GREB1: variants seen among roughly 807,000 people sequenced by gnomAD.
The protein encoded by GREB1 is growth regulating estrogen receptor binding 1.
In GREB1, 106 loss-of-function variants were observed where a neutral mutation model predicts 200.7. The ratio of observed to expected loss-of-function variants is 0.53; its 90% CI spans 0.45 to 0.62. The LOEUF (loss-of-function observed/expected upper bound fraction) is 0.62, where lower values mean the gene tolerates loss of function less well. Among genes scored for constraint, GREB1 ranks in the 20% least tolerant of loss-of-function variants. The pLI is 0.00. For synonymous variants in GREB1, 1,132 were observed against 1,092.4 expected, an observed-to-expected ratio of 1.04 and a Z score of -0.72; for missense variants, 2,243 against 2,556.8, an observed-to-expected ratio of 0.88 and a Z score of 2.65.
intron 3 of GREB1, 166 bp downstream of exon 3, chr2:11,562,748 T>G: frequency 2.9e-6 from 2 of 689,260 alleles, no homozygotes; most frequent in Non-Finnish European, 4.5e-6. Context: ...CAGCAGGTGC[T>G]GGCCCGGCCT....
chr2:11,605,911 A>T (rs1245955498), intron 17 of GREB1, among the ~76,000 whole-genome samples: 1 of 152,258 alleles, frequency 6.6e-6, no homozygotes, highest in African/African-American at 2.4e-5. Flanking sequence ...TGCTATGAAC[A>T]TTCATGTACA....
chr2:11,637,512 G>A (rs1475818093), intron 30 of GREB1, among the ~76,000 whole-genome samples: 2 of 152,170 alleles, frequency 1.3e-5, no homozygotes, highest in Admixed American at 6.5e-5. Flanking sequence ...AGGGTGGTTC[G>A]TTTTGACGTG....
intron 8 of GREB1, among the ~76,000 whole-genome samples, chr2:11,585,550 C>G (rs529195745): frequency 6.6e-6 from 1 of 152,256 alleles, no homozygotes; most frequent in Admixed American, 6.5e-5. Flanking sequence ...GCAGGGATAT[C>G]GAAGAGGAGA....
chr2:11,551,953 T>C (rs975186202), intron 1 of GREB1, among the ~76,000 whole-genome samples: 3 of 152,248 alleles, frequency 2.0e-5, no homozygotes, highest in Admixed American at 2.0e-4. Flanking sequence ...GAAATTCTTT[T>C]CCTGTGAATG....
At chr2:11,615,841 G>A (rs1327681240) in intron 20 of GREB1, among the ~76,000 whole-genome samples, 1 of 152,220 alleles carries the variant, frequency 6.6e-6, no homozygotes, top group Non-Finnish European at 1.5e-5. Context: ...TGAGAAAGAC[G>A]TAGACAGTCA....
At chr2:11,559,646 G>T (rs992971956) in intron 2 of GREB1, among the ~76,000 whole-genome samples, 8 of 152,164 alleles carry the variant, frequency 5.3e-5, no homozygotes, top group Non-Finnish European at 8.8e-5. Context: ...AGCCTCTGTG[G>T]TGCTGGCTTA....
intron 10 of GREB1, 126 bp downstream of exon 10, chr2:11,589,057 G>T (rs1410815008): frequency 2.8e-6 from 2 of 715,886 alleles, no homozygotes; most frequent in Non-Finnish European, 4.8e-6. Flanking sequence ...AGAGCTTATG[G>T]CTTCACTGGC....
intron 1 of GREB1, among the ~76,000 whole-genome samples, chr2:11,497,171 T>C (rs1430904160): frequency 6.6e-6 from 1 of 152,226 alleles, no homozygotes; most frequent in Non-Finnish European, 1.5e-5. Context: ...TCTATCTCTA[T>C]AATTTTGTCA....
chr2:11,494,084 G>A (rs986313066), intron 1 of GREB1, among the ~76,000 whole-genome samples: 3 of 152,214 alleles, frequency 2.0e-5, no homozygotes, highest in Non-Finnish European at 4.4e-5. Flanking sequence ...ATGAGGAAAC[G>A]GAGGTGCAGG....
chr2:11,527,415 A>G (rs1158825104), intron 1 of GREB1, among the ~76,000 whole-genome samples: 2 of 152,240 alleles, frequency 1.3e-5, no homozygotes, highest in African/African-American at 4.8e-5. Flanking sequence ...CCAATTCCAT[A>G]TGGCTGTTTT....
intron 16 of GREB1, 91 bp downstream of exon 16, chr2:11,601,086 T>C: frequency 2.0e-6 from 2 of 1,004,390 alleles, no homozygotes; most frequent in South Asian, 1.6e-5. Flanking sequence ...CCAGTGTGGT[T>C]GAGGATAATG....
At chr2:11,486,206 C>T (rs1389564487) in intron 1 of GREB1, among the ~76,000 whole-genome samples, 3 of 152,146 alleles carry the variant, frequency 2.0e-5, no homozygotes, top group Admixed American at 1.3e-4. Context: ...TTCATAATGA[C>T]GCCAGGCAGT....
intron 1 of GREB1, among the ~76,000 whole-genome samples, chr2:11,503,234 G>A (rs1051125430): frequency 2.0e-5 from 3 of 152,180 alleles, no homozygotes; most frequent in African/African-American, 4.8e-5. Flanking sequence ...TCTCATGAGT[G>A]TGGCATGGCT....
At position 11,516,624 on chromosome 2, in the gene GREB1, CT is replaced by C. The variant is rs751154692; in HGVS notation, c.-159+34246del. 5.3e-5 allele frequency among the ~76,000 whole-genome samples: 8 copies of C among 152,294 alleles called. No individual in the cohort carries two copies. In the South Asian group the frequency reaches 1.7e-3, roughly 32 times the overall value. On this transcript the variant is annotated intron_variant, in intron 1 of 2. Coordinates refer to the GREB1 transcript ENST00000628795. ...AGGCAGATGGAGACCAGAATCTCAC[CT>C]TTCTTACTAAGGCTGTGGGCCCATG...
intron 4 of GREB1, among the ~76,000 whole-genome samples, chr2:11,568,229 T>C (rs1323307550): frequency 6.6e-6 from 1 of 152,200 alleles, no homozygotes; most frequent in African/African-American, 2.4e-5. Context: ...ATAAACTCAC[T>C]CCACGGGTAG....
chr2:11,551,120 G>A (rs1473087240), intron 1 of GREB1, among the ~76,000 whole-genome samples: 1 of 152,188 alleles, frequency 6.6e-6, no homozygotes. Flanking sequence ...AAACTGACCT[G>A]GGTCAGTTGG....
chr2:11,636,326 G>A (rs991201969), intron 30 of GREB1, among the ~76,000 whole-genome samples: 7 of 152,186 alleles, frequency 4.6e-5, no homozygotes, highest in African/African-American at 1.2e-4. Context: ...GCTTTAAAAC[G>A]AACTTTTCTT....
chr2:11,613,965 G>A (rs1382920760), intron 19 of GREB1, among the ~76,000 whole-genome samples: 2 of 152,104 alleles, frequency 1.3e-5, no homozygotes, highest in East Asian at 3.8e-4. Flanking sequence ...TCTGAGCACG[G>A]GGTTGGCCTT....
chr2:11,618,001 A>G (rs973531073), intron 21 of GREB1, among the ~76,000 whole-genome samples: 5 of 140,648 alleles, frequency 3.6e-5, no homozygotes, highest in Non-Finnish European at 8.1e-5. Flanking sequence ...CCTCATAGGC[A>G]GGAGCTCAGT....
Sources: gnomAD v4.1 joint callset for allele counts (sites outside exome capture counted in the v4.1 genomes callset) on GRCh38, gnomAD v4.1.1 for gene constraint, MANE v1.5 for transcripts, NCBI Gene and HGNC (gene_info 2026-07-23, HGNC 2026-07-21) for gene names.